Variants in TENM4 observed in about 807,000 individuals in gnomAD.
TENM4 encodes the protein teneurin transmembrane protein 4, also known as teneurin-4.
In TENM4, 82 loss-of-function variants were observed where a neutral mutation model predicts 243.3. The ratio of observed to expected loss-of-function variants is 0.34; its 90% CI spans 0.28 to 0.40. TENM4 has a LOEUF of 0.40. Ranked by LOEUF, TENM4 falls within the 10% of genes least tolerant of loss-of-function variation. The probability of loss-of-function intolerance (pLI) is 1.00; values close to 1 mark genes in which losing one functional copy is unlikely to be tolerated. For missense variants in TENM4, 3,138 were observed against 3,673.3 expected (o/e 0.85, Z 3.77); for synonymous variants, 1,412 against 1,456.3 (o/e 0.97, Z 0.69).
chr11:78,948,491 T>A (rs1480200769), intron 6 of TENM4, among the ~76,000 whole-genome samples: 3 of 151,874 alleles, frequency 2.0e-5, no homozygotes, highest in South Asian at 4.2e-4. Flanking sequence ...TCTCCTGCCT[T>A]AGCCTCCCAG....
chr11:78,722,312 G>A (rs1213376388), intron 24 of TENM4, among the ~76,000 whole-genome samples: 1 of 152,152 alleles, frequency 6.6e-6, no homozygotes, highest in Non-Finnish European at 1.5e-5. Context: ...ATGGCACCCA[G>A]CCCCTTGTTT....
At chr11:79,016,410 T>A (rs754872243) in intron 6 of TENM4, among the ~76,000 whole-genome samples, 2 of 151,870 alleles carry the variant, frequency 1.3e-5, no homozygotes, top group Non-Finnish European at 2.9e-5. Flanking sequence ...CTTGGGCGAG[T>A]GGGTAGATCA....
At chr11:79,001,924 C>T (rs1052866969) in intron 6 of TENM4, among the ~76,000 whole-genome samples, 5 of 152,178 alleles carry the variant, frequency 3.3e-5, no homozygotes, top group East Asian at 1.9e-4. Context: ...TATTCTTCCC[C>T]CAATGCCTGC....
intron 27 of TENM4, among the ~76,000 whole-genome samples, chr11:78,703,981 A>C (rs1397185504): frequency 6.7e-6 from 1 of 149,728 alleles, no homozygotes; most frequent in Non-Finnish European, 1.5e-5. Context: ...CCTCCTGAGT[A>C]GCTGGTACTA....
At chr11:79,105,948 C>T (rs1469918818) in intron 4 of TENM4, among the ~76,000 whole-genome samples, 1 of 152,198 alleles carries the variant, frequency 6.6e-6, no homozygotes, top group Non-Finnish European at 1.5e-5. Context: ...TTTATTTTGA[C>T]ATTTTGCTTT....
chr11:78,807,657 A>C (rs1188778733), intron 14 of TENM4, among the ~76,000 whole-genome samples: 1 of 152,164 alleles, frequency 6.6e-6, no homozygotes, highest in Non-Finnish European at 1.5e-5. Context: ...TATTCATTTT[A>C]TAATTGTTAG....
At chr11:79,103,177 C>T (rs897215339) in intron 4 of TENM4, among the ~76,000 whole-genome samples, 1 of 152,172 alleles carries the variant, frequency 6.6e-6, no homozygotes, top group African/African-American at 2.4e-5. Context: ...CTTCAGGAAG[C>T]TTTCTTAGGC....
chr11:78,665,800 A>G (rs1404772522), intron 32 of TENM4, among the ~76,000 whole-genome samples: 1 of 152,196 alleles, frequency 6.6e-6, no homozygotes, highest in Non-Finnish European at 1.5e-5. Context: ...TGTACATGAT[A>G]TATCTGTAGC....
intron 1 of TENM4, among the ~76,000 whole-genome samples, chr11:79,330,931 C>T (rs372261707): frequency 1.1e-4 from 17 of 152,112 alleles, no homozygotes; most frequent in African/African-American, 2.7e-4. Flanking sequence ...GAGGATATGT[C>T]GGCCATCCCT....
At chr11:78,911,689 C>A (rs1169030660) in intron 6 of TENM4, among the ~76,000 whole-genome samples, 1 of 152,178 alleles carries the variant, frequency 6.6e-6, no homozygotes, top group Non-Finnish European at 1.5e-5. Flanking sequence ...GAAGAGAGAC[C>A]TGGTCTGACG....
chr11:79,403,495 G>A (rs1858503830), intron 1 of TENM4, among the ~76,000 whole-genome samples: 1 of 152,166 alleles, frequency 6.6e-6, no homozygotes, highest in South Asian at 2.1e-4. Flanking sequence ...ACCAAAAGGG[G>A]CAACTCACTA....
At chr11:78,688,253 A>C in intron 28 of TENM4, 27 bp from the exon 29 acceptor site, 1 of 1,602,598 alleles carries the variant, frequency 6.2e-7, no homozygotes. Context: ...GGCACTGAGT[A>C]GTAGAAATAT....
chr11:79,025,289 G>C (rs928146742), intron 6 of TENM4, among the ~76,000 whole-genome samples: 3 of 152,134 alleles, frequency 2.0e-5, no homozygotes, highest in Admixed American at 6.5e-5. Context: ...ATGAATGAAT[G>C]AATGAATGAG....
intron 1 of TENM4, among the ~76,000 whole-genome samples, chr11:79,343,991 C>T (rs1289057353): frequency 6.6e-6 from 1 of 152,212 alleles, no homozygotes; most frequent in South Asian, 2.1e-4. Flanking sequence ...CACAGAGATG[C>T]TGCTTTTAGC....
chr11:79,051,001 A>T (rs1225402001), intron 6 of TENM4, among the ~76,000 whole-genome samples: 1 of 152,166 alleles, frequency 6.6e-6, no homozygotes, highest in Non-Finnish European at 1.5e-5. Flanking sequence ...AGTCAGATAG[A>T]CCTGGGGTTG....
intron 6 of TENM4, among the ~76,000 whole-genome samples, chr11:78,923,332 C>A (rs1856486421): frequency 6.6e-6 from 1 of 152,102 alleles, no homozygotes; most frequent in African/African-American, 2.4e-5. Flanking sequence ...TTTTGCTCTC[C>A]AGCTTCCATT....
intron 1 of TENM4, among the ~76,000 whole-genome samples, chr11:79,389,507 T>G (rs1014979056): frequency 2.0e-5 from 3 of 152,190 alleles, no homozygotes; most frequent in African/African-American, 7.2e-5. Context: ...CATCAGTGTT[T>G]CTTAGAAGCA....
At chr11:79,359,180 T>A (rs1422873139) in intron 1 of TENM4, among the ~76,000 whole-genome samples, 2 of 152,078 alleles carry the variant, frequency 1.3e-5, no homozygotes, top group East Asian at 3.9e-4. Context: ...GCAGGAGGAT[T>A]CTTTGAACTT....
chr11:79,136,695 C>A (rs1862116972), intron 4 of TENM4, among the ~76,000 whole-genome samples: 2 of 152,158 alleles, frequency 1.3e-5, no homozygotes, highest in Admixed American at 1.3e-4. Flanking sequence ...AATGCTTCTG[C>A]CAAGACTACC....
Sources: allele counts gnomAD v4.1 joint callset (sites outside exome capture counted in the v4.1 genomes callset), GRCh38; gene constraint gnomAD v4.1.1; transcripts MANE v1.5; gene names NCBI Gene and HGNC (gene_info 2026-07-23, HGNC 2026-07-21).